Variants in NPAS3 observed in about 807,000 individuals in gnomAD.
NPAS3 encodes neuronal PAS domain protein 3, also known as neuronal PAS domain-containing protein 3.
In NPAS3, 14 loss-of-function variants were observed where a neutral mutation model predicts 73.1. That is an observed-to-expected ratio of 0.19 (90% confidence interval 0.13 to 0.30). The LOEUF is 0.30. Ranked by LOEUF, NPAS3 falls within the 10% of genes least tolerant of loss-of-function variation. NPAS3 has a pLI of 1.00. For missense variants in NPAS3, 1,096 were observed against 1,250.0 expected, an observed-to-expected ratio of 0.88 and a Z score of 1.86; for synonymous variants, 620 against 541.5, an observed-to-expected ratio of 1.14 and a Z score of -2.01.
chr14:33,527,935 G>A (rs1000001865), intron 4 of NPAS3, among the ~76,000 whole-genome samples: 4 of 152,040 alleles, frequency 2.6e-5, no homozygotes, highest in Admixed American at 2.0e-4. Context: ...TCAACACAAG[G>A]AATCCAGGAA....
chr14:33,566,484 G>A lies in NPAS3; in HGVS notation c.558+6274G>A, dbSNP rs976738327. 7.3e-5 allele frequency among the ~76,000 whole-genome samples: 11 copies of A among 151,466 alleles called. No individual in the cohort carries two copies. In the East Asian group the frequency reaches 1.6e-3, roughly 21 times the overall value. ...CCCACCCTTCCAAATAGGCAAACAC[G>A]CCTCTTTATTTCATCCATAATTATG... On this transcript the variant is annotated intron_variant, in intron 5 of 11. Transcript: ENST00000356141.
chr14:33,291,128 C>G (rs2042082842), intron 3 of NPAS3, among the ~76,000 whole-genome samples: 1 of 151,934 alleles, frequency 6.6e-6, no homozygotes, highest in Admixed American at 6.6e-5. Context: ...GTTCAATTCA[C>G]CCTATGGAGC....
intron 2 of NPAS3, among the ~76,000 whole-genome samples, chr14:33,114,566 A>T (rs1488975370): frequency 1.3e-5 from 2 of 152,170 alleles, no homozygotes; most frequent in Non-Finnish European, 2.9e-5. Flanking sequence ...AAGAGTCATC[A>T]GTAATTGAGA....
At chr14:33,133,874 T>A (rs1312791196) in intron 2 of NPAS3, among the ~76,000 whole-genome samples, 1 of 152,144 alleles carries the variant, frequency 6.6e-6, no homozygotes. Context: ...CAAAGAAAAT[T>A]TCTTGGATTG....
chr14:33,124,020 C>T (rs974743955), intron 2 of NPAS3, among the ~76,000 whole-genome samples: 1 of 151,804 alleles, frequency 6.6e-6, no homozygotes, highest in Admixed American at 6.6e-5. Flanking sequence ...GCCACCATGC[C>T]TGGCTTATTT....
At chr14:33,491,280 A>G (rs2051883227) in intron 4 of NPAS3, among the ~76,000 whole-genome samples, 1 of 151,732 alleles carries the variant, frequency 6.6e-6, no homozygotes, top group Non-Finnish European at 1.5e-5. Flanking sequence ...AGGGTTATGG[A>G]GAAGAGAAAT....
rs1013812294 is a variant in NPAS3, at chr14:33,751,951, GTTT to G, written c.852+16623_852+16625del. Reference sequence around the variant, plus strand: ...ACCATGCAAATATTCAAAGTTATGTGTTTTTTAAAAAAATCAAATACAGTATAT... The same window carrying G: ...ACCATGCAAATATTCAAAGTTATGTGTTTAAAAAAATCAAATACAGTATAT... On this transcript the variant is annotated intron_variant, in intron 7 of 11. Transcript: ENST00000356141. Among the ~76,000 whole-genome samples the G allele has an allele frequency of 1.2e-3, 184 of 152,086 alleles. 1 individual carries two copies. The highest frequency in any genetic ancestry group is 4.2e-3 in the African/African-American group (173 of 41,504).
At chr14:33,284,475 G>A (rs1442553630) in intron 3 of NPAS3, among the ~76,000 whole-genome samples, 1 of 152,084 alleles carries the variant, frequency 6.6e-6, no homozygotes, top group African/African-American at 2.4e-5. Flanking sequence ...ATGCAGGTCA[G>A]TATGAGTATG....
At chr14:33,717,470 C>A (rs924658264) in intron 6 of NPAS3, among the ~76,000 whole-genome samples, 1 of 151,850 alleles carries the variant, frequency 6.6e-6, no homozygotes, top group Non-Finnish European at 1.5e-5. Context: ...AGCAACAACC[C>A]CGTAAACACA....
At chr14:33,690,286 C>T (rs2140404362) in intron 6 of NPAS3, among the ~76,000 whole-genome samples, 1 of 152,224 alleles carries the variant, frequency 6.6e-6, no homozygotes, top group Non-Finnish European at 1.5e-5. Flanking sequence ...ATCTTGAGAA[C>T]TAAAATGAGT....
At chr14:33,758,119 A>C (rs2062171846) in intron 7 of NPAS3, among the ~76,000 whole-genome samples, 1 of 152,162 alleles carries the variant, frequency 6.6e-6, no homozygotes, top group Non-Finnish European at 1.5e-5. Context: ...TCTGTACATG[A>C]AGTCACAACT....
chr14:33,573,159 T>C (rs561210818), intron 5 of NPAS3, among the ~76,000 whole-genome samples: 1 of 151,680 alleles, frequency 6.6e-6, no homozygotes, highest in Admixed American at 6.6e-5. Flanking sequence ...CAACATTCAA[T>C]AGTAGGGCCA....
At chr14:33,756,972 A>G (rs1219877233) in intron 7 of NPAS3, among the ~76,000 whole-genome samples, 2 of 152,232 alleles carry the variant, frequency 1.3e-5, no homozygotes, top group African/African-American at 2.4e-5. Context: ...ATCACCCTTG[A>G]AGAATGAATA....
chr14:33,274,954 A>C (rs1198404894), intron 3 of NPAS3, among the ~76,000 whole-genome samples: 1 of 152,234 alleles, frequency 6.6e-6, no homozygotes, highest in African/African-American at 2.4e-5. Flanking sequence ...TAAGTCATAG[A>C]TGCACGATAG....
At chr14:33,667,894 T>C (rs2059500224) in intron 5 of NPAS3, among the ~76,000 whole-genome samples, 1 of 152,190 alleles carries the variant, frequency 6.6e-6, no homozygotes, top group African/African-American at 2.4e-5. Context: ...TAGTATACTT[T>C]GTGGTTTTCC....
At chr14:33,571,624 G>T (rs2056219404) in intron 5 of NPAS3, among the ~76,000 whole-genome samples, 4 of 152,162 alleles carry the variant, frequency 2.6e-5, no homozygotes, top group South Asian at 2.1e-4. Context: ...TACACTTTCA[G>T]TACATTTATA....
chr14:33,116,338 G>A (rs1041803251), intron 2 of NPAS3, among the ~76,000 whole-genome samples: 1 of 152,112 alleles, frequency 6.6e-6, no homozygotes, highest in African/African-American at 2.4e-5. Flanking sequence ...AATGTTGTAG[G>A]TACTAATTTG....
At chr14:33,324,906 C>A (rs534253924) in intron 3 of NPAS3, among the ~76,000 whole-genome samples, 2 of 152,042 alleles carry the variant, frequency 1.3e-5, no homozygotes, top group South Asian at 4.2e-4. Context: ...TTTTCAAAGC[C>A]CTGGATGTTA....
chr14:33,337,365 G>A (rs4982074), intron 3 of NPAS3, among the ~76,000 whole-genome samples: 118,917 of 151,816 alleles, frequency 0.78, 47,197 homozygotes, highest in African/African-American at 0.92. Context: ...TTTCTATTGA[G>A]TAGCCTTGAC....
Sources: gnomAD v4.1 joint callset for allele counts (sites outside exome capture counted in the v4.1 genomes callset) on GRCh38, gnomAD v4.1.1 for gene constraint, MANE v1.5 for transcripts, NCBI Gene and HGNC (gene_info 2026-07-23, HGNC 2026-07-21) for gene names.